Variants in CFAP54 observed in about 807,000 individuals in gnomAD.
CFAP54 encodes the protein cilia- and flagella-associated protein 54.
CFAP54 carries 290 observed loss-of-function variants against 370.4 expected under a neutral mutation model. The ratio of observed to expected loss-of-function variants is 0.78; its 90% CI spans 0.71 to 0.86. The LOEUF is 0.86. Among genes scored for constraint, CFAP54 ranks in the 40% least tolerant of loss-of-function variants. The pLI, the probability that CFAP54 is intolerant of heterozygous loss-of-function variation, is 0.00. For synonymous variants in CFAP54, 1,206 were observed against 1,236.5 expected (o/e 0.98, Z 0.52); for missense variants, 3,399 against 3,528.7 (o/e 0.96, Z 0.93).
chr12:96,541,453 T>A (rs1323697199), intron 14 of CFAP54, among the ~76,000 whole-genome samples: 3 of 152,008 alleles, frequency 2.0e-5, no homozygotes, highest in Admixed American at 2.0e-4. Context: ...GCCTGGCTAA[T>A]TTTTGTATTT....
intron 32 of CFAP54, among the ~76,000 whole-genome samples, chr12:96,643,620 T>G (rs1956758179): frequency 6.6e-6 from 1 of 152,184 alleles, no homozygotes; most frequent in Non-Finnish European, 1.5e-5. Flanking sequence ...AAATTGAATA[T>G]ATATAATACT....
At chr12:96,534,796 G>A (rs891596885) in intron 11 of CFAP54, among the ~76,000 whole-genome samples, 1 of 152,162 alleles carries the variant, frequency 6.6e-6, no homozygotes, top group African/African-American at 2.4e-5. Flanking sequence ...GTTGCAGTAA[G>A]TAATTTGTAC....
intron 66 of CFAP54, among the ~76,000 whole-genome samples, chr12:96,847,458 T>C (rs975037166): frequency 6.6e-6 from 1 of 152,194 alleles, no homozygotes; most frequent in African/African-American, 2.4e-5. Context: ...CTATTGGTGA[T>C]TGGGTTTAAT....
intron 12 of CFAP54, among the ~76,000 whole-genome samples, chr12:96,536,599 T>C (rs1955506298): frequency 1.3e-5 from 2 of 151,380 alleles, no homozygotes; most frequent in Admixed American, 1.3e-4. Flanking sequence ...CTTTCCTTTA[T>C]CTGTTTTTCT....
At chr12:96,616,247 C>G (rs1956415955) in intron 26 of CFAP54, among the ~76,000 whole-genome samples, 2 of 152,040 alleles carry the variant, frequency 1.3e-5, no homozygotes, top group African/African-American at 4.8e-5. Context: ...TCATTCTCAG[C>G]AAACTATCCC....
intron 36 of CFAP54, among the ~76,000 whole-genome samples, chr12:96,657,247 T>C (rs1372497783): frequency 7.9e-5 from 12 of 152,340 alleles, no homozygotes; most frequent in Admixed American, 5.2e-4. Flanking sequence ...CAGGAACTCA[T>C]AGGACATGCA....
intron 65 of CFAP54, among the ~76,000 whole-genome samples, chr12:96,820,483 G>C (rs1222335695): frequency 1.3e-5 from 2 of 152,180 alleles, no homozygotes; most frequent in Non-Finnish European, 2.9e-5. Context: ...AACCATAAGA[G>C]AATCTACTGT....
chr12:96,747,368 C>CT (rs1285443915), intron 55 of CFAP54, among the ~76,000 whole-genome samples: 1 of 152,148 alleles, frequency 6.6e-6, no homozygotes, highest in African/African-American at 2.4e-5. Context: ...TTATTGTCTT[C>CT]TTTTTGCTTC....
intron 28 of CFAP54, among the ~76,000 whole-genome samples, chr12:96,625,230 A>G (rs1051400595): frequency 3.3e-5 from 5 of 152,238 alleles, no homozygotes; most frequent in African/African-American, 1.2e-4. Context: ...TATCTCCATT[A>G]TAAAGATATG....
intron 63 of CFAP54, among the ~76,000 whole-genome samples, chr12:96,801,563 T>A (rs555794819): frequency 1.6e-4 from 25 of 152,326 alleles, no homozygotes; most frequent in African/African-American, 5.8e-4. Flanking sequence ...TAACCACGGC[T>A]AAAGGTTTGA....
At chr12:96,517,987 A>G (rs1448483318) in intron 5 of CFAP54, among the ~76,000 whole-genome samples, 1 of 152,238 alleles carries the variant, frequency 6.6e-6, no homozygotes, top group African/African-American at 2.4e-5. Context: ...GGACCAATGC[A>G]CTGGAGGTAT....
At chr12:96,654,682 C>G (rs1326144719) in intron 36 of CFAP54, among the ~76,000 whole-genome samples, 1 of 152,038 alleles carries the variant, frequency 6.6e-6, no homozygotes, top group Non-Finnish European at 1.5e-5. Flanking sequence ...TTCATCCTCT[C>G]CTCTCACCTC....
intron 17 of CFAP54, among the ~76,000 whole-genome samples, chr12:96,559,761 T>C (rs1391154203): frequency 6.6e-6 from 1 of 152,134 alleles, no homozygotes; most frequent in East Asian, 1.9e-4. Flanking sequence ...TGTCAGCTAA[T>C]AATGAGGACA....
chr12:96,745,743 T>C (rs1420368035), intron 55 of CFAP54, among the ~76,000 whole-genome samples: 1 of 152,240 alleles, frequency 6.6e-6, no homozygotes, highest in Middle Eastern at 3.2e-3. Flanking sequence ...TATTCATTTT[T>C]TTTGGAAGCT....
Position 96,580,596 on chromosome 12 carries a change from G to T in CFAP54, c.2797-1G>T. The T allele has an allele frequency of 6.7e-7, 1 of 1,491,732 alleles. No individual in the cohort carries two copies. Among genetic ancestry groups the T allele is most frequent in the Non-Finnish European group, 8.9e-7 (1 of 1,125,198 alleles). 92.4% of individuals were successfully genotyped at this position (1,491,732 alleles called of 1,614,324 possible). A position where few individuals can be genotyped will look rare whatever the true frequency, so the allele number is the denominator to read the frequency against. On this transcript the variant is annotated splice_acceptor_variant, in intron 20 of 67. Coordinates refer to ENST00000524981, the MANE Select transcript of CFAP54 (RefSeq NM_001306084.2). LOFTEE classifies it high-confidence loss of function. Reference sequence around the variant, plus strand: ...AACAGGCTCATTTTTCTCGTCGGCAGGTCTCCTGGTACTGCATTTTGGGTT... The same window carrying T: ...AACAGGCTCATTTTTCTCGTCGGCATGTCTCCTGGTACTGCATTTTGGGTT...
chr12:96,566,101 G>A (rs1292931674), intron 19 of CFAP54, among the ~76,000 whole-genome samples: 2 of 152,144 alleles, frequency 1.3e-5, no homozygotes, highest in Non-Finnish European at 2.9e-5. Context: ...GGCCTACCCA[G>A]CCATGCAAAA....
chr12:96,690,752 A>G (rs1322655236), intron 43 of CFAP54, among the ~76,000 whole-genome samples: 1 of 152,198 alleles, frequency 6.6e-6, no homozygotes, highest in East Asian at 1.9e-4. Context: ...AGCCTCAATT[A>G]TATCATTTGT....
At chr12:96,655,773 AACACAT>A (rs1956915147) in intron 36 of CFAP54, among the ~76,000 whole-genome samples, 1 of 152,162 alleles carries the variant, frequency 6.6e-6, no homozygotes, top group African/African-American at 2.4e-5. Flanking sequence ...TAATCTAACT[AACACAT>A]ACAGTTAAAA....
intron 60 of CFAP54, 37 bp from the exon 61 acceptor site, chr12:96,784,680 T>A: frequency 2.2e-6 from 3 of 1,393,524 alleles, no homozygotes; most frequent in Non-Finnish European, 2.9e-6. Flanking sequence ...AAGCATAATA[T>A]AATATTGTAT....
Sources: allele counts gnomAD v4.1 joint callset (sites outside exome capture counted in the v4.1 genomes callset), GRCh38; gene constraint gnomAD v4.1.1; transcripts MANE v1.5; gene names NCBI Gene and HGNC (gene_info 2026-07-23, HGNC 2026-07-21).